STARD3NL: variants seen among roughly 807,000 people sequenced by gnomAD.
The protein encoded by STARD3NL is STARD3 N-terminal like.
In STARD3NL, 17 loss-of-function variants were observed where a neutral mutation model predicts 30.9. The observed-to-expected ratio is 0.55, with a 90% CI of 0.38 to 0.82. The LOEUF (loss-of-function observed/expected upper bound fraction) is 0.82. Among genes scored for constraint, STARD3NL ranks in the 40% least tolerant of loss-of-function variants. STARD3NL has a pLI of 0.00. For missense variants in STARD3NL, 234 were observed against 277.6 expected (o/e 0.84, Z 1.12); for synonymous variants, 112 against 100.5 (o/e 1.11, Z -0.69).
intron 1 of STARD3NL, among the ~76,000 whole-genome samples, chr7:38,190,663 A>G (rs1365974891): frequency 1.3e-5 from 2 of 152,086 alleles, no homozygotes; most frequent in Admixed American, 1.3e-4. Flanking sequence ...TCAATTCTCC[A>G]ATTGACTTTT....
chr7:38,186,898 C>G (rs1214299334), intron 1 of STARD3NL, among the ~76,000 whole-genome samples: 1 of 151,986 alleles, frequency 6.6e-6, no homozygotes, highest in African/African-American at 2.4e-5. Flanking sequence ...AAAAAAGCTG[C>G]AAAATCAATT....
Position 38,217,237 on chromosome 7 carries a change from T to C in STARD3NL, c.485T>C (p.Ile162Thr). 6.2e-7 allele frequency: 1 copy of C among 1,614,092 alleles called. No homozygotes were observed. Residue 162 changes from isoleucine to threonine, a missense_variant, in exon 6 of 9, where the codon ATC (isoleucine) becomes ACC (threonine). Ile to Thr is a moderately conservative substitution (Grantham distance 89, BLOSUM62 -1). Coordinates refer to ENST00000009041, the MANE Select transcript of STARD3NL (RefSeq NM_032016.4). ...FGYVLPIISF[I>T]LAWIETWFLD... ...TATGTGCTGCCCATCATTTCATTCA[T>C]CCTTGCCTGGATTGAGACGTGGTTC...
At chr7:38,181,781 C>G (rs1784257339) in intron 1 of STARD3NL, among the ~76,000 whole-genome samples, 1 of 152,064 alleles carries the variant, frequency 6.6e-6, no homozygotes, top group Non-Finnish European at 1.5e-5. Flanking sequence ...TTCTGAAGAC[C>G]CAGGTCATCA....
chr7:38,217,025 T>C lies in STARD3NL; in HGVS notation c.382T>C (p.Leu128=). ...CAGTGCTGGATTATGTGTCTTGCAG[T>C]TGACAACGGCAGTGACCAGTGCCTT... ...CRLRHWWAIA[L]TTAVTSAFLL... The change falls in exon 5 of 9, where the codon TTG becomes CTG. Residue 128 remains leucine (L), a splice_region_variant and synonymous_variant. Coordinates refer to ENST00000009041, the MANE Select transcript of STARD3NL (RefSeq NM_032016.4). The C allele has an allele frequency of 6.2e-7, 1 of 1,614,114 alleles. No individual in the cohort carries two copies. The highest frequency in any genetic ancestry group is 1.7e-5 in the Admixed American group (1 of 60,020).
chr7:38,192,305 G>A (rs1436074817), intron 1 of STARD3NL, among the ~76,000 whole-genome samples: 1 of 151,860 alleles, frequency 6.6e-6, no homozygotes, highest in African/African-American at 2.4e-5. Context: ...TTTGTTTCTT[G>A]CTTTTTTAAA....
chr7:38,215,759 TGG>T (rs1786072266), intron 4 of STARD3NL: 1 of 152,366 alleles, frequency 6.6e-6, no homozygotes, highest in Non-Finnish European at 1.5e-5. Flanking sequence ...GAAGAAAATG[TGG>T]AGCTCCTCAG....
At chr7:38,216,680 G>A (rs894911260) in intron 4 of STARD3NL, 26 of 255,232 alleles carry the variant, frequency 1.0e-4, no homozygotes, top group Non-Finnish European at 1.7e-4. Flanking sequence ...AACCCCTGGC[G>A]AGAGCCCTAC....
At chr7:38,215,214 C>T in intron 4 of STARD3NL, 109 bp downstream of exon 4, 1 of 1,017,830 alleles carries the variant, frequency 9.8e-7, no homozygotes, top group Non-Finnish European at 1.5e-6. Context: ...AGGTGGAATC[C>T]CACCAGCTTT....
chr7:38,190,488 A>G (rs988642278), intron 1 of STARD3NL, among the ~76,000 whole-genome samples: 15 of 152,214 alleles, frequency 9.9e-5, no homozygotes, highest in African/African-American at 3.6e-4. Context: ...ATAGATAAAC[A>G]GGTACAGACA....
intron 2 of STARD3NL, among the ~76,000 whole-genome samples, chr7:38,213,198 C>T (rs1027391948): frequency 6.6e-6 from 1 of 152,084 alleles, no homozygotes; most frequent in Non-Finnish European, 1.5e-5. Context: ...TTTCCTTAGT[C>T]CGGAGAGACA....
At chr7:38,183,829 T>C (rs776020385) in intron 1 of STARD3NL, among the ~76,000 whole-genome samples, 2 of 152,228 alleles carry the variant, frequency 1.3e-5, no homozygotes, top group Non-Finnish European at 2.9e-5. Flanking sequence ...AACCCATGTA[T>C]GCAGGTGGTT....
chr7:38,208,588 G>T (rs143150098), intron 2 of STARD3NL, among the ~76,000 whole-genome samples: 1 of 152,232 alleles, frequency 6.6e-6, no homozygotes, highest in South Asian at 2.1e-4. Context: ...CAATAGGTGA[G>T]CTCCTCCAGG....
In STARD3NL at chr7:38,194,130, T is replaced by C. The variant is rs900840429; in HGVS notation, c.-58-13317T>C. 2.0e-5 allele frequency among the ~76,000 whole-genome samples: 3 copies of C among 152,180 alleles called. No homozygotes were observed. In the East Asian group the frequency reaches 5.8e-4, roughly 29 times the overall value. ...TTGCTGCTTCTTAGTGTAATTTATA[T>C]ATTTCCAGAGTATTGACTTTAGTTA... On this transcript the variant is annotated intron_variant, in intron 1 of 8. Coordinates refer to ENST00000009041, the MANE Select transcript of STARD3NL (RefSeq NM_032016.4).
intron 2 of STARD3NL, among the ~76,000 whole-genome samples, chr7:38,212,355 G>T (rs1785858359): frequency 6.6e-6 from 1 of 152,050 alleles, no homozygotes; most frequent in Non-Finnish European, 1.5e-5. Flanking sequence ...TCTTCTATAT[G>T]AAATGATTAA....
chr7:38,186,271 C>T (rs943059416), intron 1 of STARD3NL, among the ~76,000 whole-genome samples: 1 of 152,130 alleles, frequency 6.6e-6, no homozygotes, highest in South Asian at 2.1e-4. Context: ...ATGGTAACTT[C>T]GCACTAGCCA....
intron 2 of STARD3NL, among the ~76,000 whole-genome samples, chr7:38,214,045 T>A (rs1404224396): frequency 1.3e-5 from 2 of 152,186 alleles, no homozygotes; most frequent in Admixed American, 1.3e-4. Flanking sequence ...AATATACTTT[T>A]GTATGATGGA....
intron 1 of STARD3NL, among the ~76,000 whole-genome samples, 166 bp from the exon 2 acceptor site, chr7:38,207,281 A>ATGTGTTGCTTCTCATTTCTCT (rs1785537535): frequency 1.3e-5 from 2 of 152,200 alleles, no homozygotes; most frequent in African/African-American, 4.8e-5. Flanking sequence ...CTAAAACATT[A>ATGTGTTGCTTCTCATTTCTCT]TGTGTTGCTT....
intron 1 of STARD3NL, among the ~76,000 whole-genome samples, chr7:38,194,823 CTG>C (rs780643387): frequency 3.4e-4 from 52 of 152,016 alleles, no homozygotes; most frequent in Non-Finnish European, 6.8e-4. Context: ...TAGTCTATGA[CTG>C]TAAAGTTAAA....
intron 7 of STARD3NL, among the ~76,000 whole-genome samples, chr7:38,222,141 TCACACACACACACACACACACACACA>T (rs3223376): frequency 4.9e-4 from 71 of 144,302 alleles, no homozygotes; most frequent in African/African-American, 1.7e-3. Flanking sequence ...GTTAATATTT[TCACACACACACACACACACACACACA>T]CACACACACA....
Sources: gnomAD v4.1 joint callset for allele counts (sites outside exome capture counted in the v4.1 genomes callset) on GRCh38, gnomAD v4.1.1 for gene constraint, MANE v1.5 for transcripts, NCBI Gene and HGNC (gene_info 2026-07-23, HGNC 2026-07-21) for gene names.